NDRG1: variants seen among roughly 807,000 people sequenced by gnomAD.
NDRG1 encodes the protein protein NDRG1.
In NDRG1, 32 loss-of-function variants were observed where a neutral mutation model predicts 56.9. The ratio of observed to expected loss-of-function variants is 0.56; its 90% CI spans 0.42 to 0.76. NDRG1 has a LOEUF of 0.76. Ranked by LOEUF, NDRG1 falls within the 30% of genes least tolerant of loss-of-function variation. NDRG1 has a pLI of 0.00. For missense variants in NDRG1, 507 were observed against 545.7 expected, an observed-to-expected ratio of 0.93 and a Z score of 0.71; for synonymous variants, 211 against 204.1, an observed-to-expected ratio of 1.03 and a Z score of -0.29.
At chr8:133,276,561 G>GTGAA (rs762741471) in intron 3 of NDRG1, among the ~76,000 whole-genome samples, 8 of 152,170 alleles carry the variant, frequency 5.3e-5, no homozygotes, top group Non-Finnish European at 7.3e-5. Flanking sequence ...TCTCGTGATA[G>GTGAA]TGAATGAGTC....
chr8:133,238,231 C>T lies in NDRG1; in HGVS notation c.*647G>A, dbSNP rs1044195442. 4.3e-6 allele frequency: 1 copy of T among 232,582 alleles called. No homozygotes were observed. Among genetic ancestry groups the T allele is most frequent in the Non-Finnish European group, 8.5e-6 (1 of 117,710 alleles). 14.4% of individuals were successfully genotyped at this position (232,582 alleles called of 1,614,324 possible). A position where few individuals can be genotyped will look rare whatever the true frequency, so the allele number is the denominator to read the frequency against. Reference sequence around the variant, plus strand: ...TTAAGAGGATGCTAGAAAAATCAAGCTTGTTTGCTTCTGCATTCAAAGCTT... The same window carrying T: ...TTAAGAGGATGCTAGAAAAATCAAGTTTGTTTGCTTCTGCATTCAAAGCTT... On this transcript the variant is annotated 3_prime_UTR_variant, in exon 16 of 16. Transcript: ENST00000323851.
At position 133,280,258 on chromosome 8, in the gene NDRG1, C is replaced by T. The variant is rs377527660; in HGVS notation, c.73G>A (p.Gly25Ser). 4.3e-6 allele frequency: 7 copies of T among 1,614,012 alleles called. No homozygotes were observed. Among genetic ancestry groups the T allele is most frequent in the South Asian group, 3.3e-5 (3 of 91,066 alleles). Residue 25 changes from glycine to serine, a missense_variant, in exon 3 of 16, where the codon GGC becomes AGC. Transcript: ENST00000323851. Reference protein sequence around the residue: ...PLVEKGETITGLLQEFDVQEQ... With the variant: ...PLVEKGETITSLLQEFDVQEQ... Reference sequence around the variant, plus strand: ...TGGACATCAAACTCTTGCAGGAGGCCGGTGATGGTCTGTGAAAAGACAAAA... The same window carrying T: ...TGGACATCAAACTCTTGCAGGAGGCTGGTGATGGTCTGTGAAAAGACAAAA...
At position 133,237,537 on chromosome 8, in the gene NDRG1, C is replaced by T. The variant is rs572727755; in HGVS notation, c.*1341G>A. 2.4e-4 allele frequency: 57 copies of T among 233,144 alleles called. No homozygotes were observed. The highest frequency in any genetic ancestry group is 1.2e-3 in the African/African-American group (54 of 45,446). 14.4% of individuals were successfully genotyped at this position (233,144 alleles called of 1,614,324 possible). A position where few individuals can be genotyped will look rare whatever the true frequency, so the allele number is the denominator to read the frequency against. On this transcript the variant is annotated 3_prime_UTR_variant, in exon 16 of 16. Coordinates refer to ENST00000323851, the MANE Select transcript of NDRG1 (RefSeq NM_006096.4). ...AGGCAGTAGTACAGGAACCTGGCAG[C>T]CGCACTGGCCGCCCAGAAACGTCAG...
In NDRG1 at chr8:133,256,348, T is replaced by A. The variant is rs868202063; in HGVS notation, c.537+429A>T. 12 of 190,068 alleles carry A rather than the reference T, an allele frequency of 6.3e-5. No homozygotes were observed. In the South Asian group the frequency reaches 1.3e-3, roughly 20 times the overall value. 11.8% of individuals were successfully genotyped at this position (190,068 alleles called of 1,614,324 possible). A position where few individuals can be genotyped will look rare whatever the true frequency, so the allele number is the denominator to read the frequency against. On this transcript the variant is annotated intron_variant, in intron 8 of 15. Coordinates refer to ENST00000323851, the MANE Select transcript of NDRG1 (RefSeq NM_006096.4). ...TGGCACAGTCCGTACTAAATACATATTTATTTTTCTTTAATAATATGTGAA... is the reference window on the plus strand; with the variant it reads ...TGGCACAGTCCGTACTAAATACATAATTATTTTTCTTTAATAATATGTGAA...
intron 1 of NDRG1, among the ~76,000 whole-genome samples, chr8:133,286,883 C>T (rs2930003): frequency 0.36 from 55,106 of 152,050 alleles, 10,498 homozygotes; most frequent in East Asian, 0.48. Context: ...CTGCAGGCCT[C>T]GGGGTAGCCT....
Position 133,239,011 on chromosome 8 carries a change from CG to C in NDRG1, c.1051del (p.Arg351GlufsTer126). 6.3e-7 allele frequency: 1 copy of C among 1,598,006 alleles called. No homozygotes were observed. Among genetic ancestry groups the C allele is most frequent in the Non-Finnish European group, 8.5e-7 (1 of 1,174,024 alleles). ...GCCCTCGCTGGTGTGGGAGCGGCTT[CG>C]GGTGCCCTCGCTGGTGTGGGAGCGG... ...RSRSHTSEGT[R>X]SRSHTSEGTR... On this transcript the variant is annotated frameshift_variant, in exon 16 of 16. Coordinates refer to ENST00000323851, the MANE Select transcript of NDRG1 (RefSeq NM_006096.4). LOFTEE classifies it high-confidence loss of function.
intron 1 of NDRG1, among the ~76,000 whole-genome samples, chr8:133,294,381 G>A (rs1858613109): frequency 6.6e-6 from 1 of 152,218 alleles, no homozygotes; most frequent in Admixed American, 6.5e-5. Context: ...TCTGGAGGGA[G>A]AGAGATGTCG....
chr8:133,251,180 G>A (rs145068030), intron 9 of NDRG1, among the ~76,000 whole-genome samples: 146 of 152,306 alleles, frequency 9.6e-4, no homozygotes, highest in African/African-American at 3.3e-3. Context: ...CAGCCTCCCC[G>A]TCTCTGGGTG....
chr8:133,240,191 GC>G (rs1209279660), intron 15 of NDRG1: 1 of 152,178 alleles, frequency 6.6e-6, no homozygotes, highest in Admixed American at 6.5e-5. Context: ...ATTGTTTTCA[GC>G]CACCCAGTTT....
intron 3 of NDRG1, among the ~76,000 whole-genome samples, chr8:133,266,139 CAG>C (rs1856906856): frequency 6.6e-6 from 1 of 152,226 alleles, no homozygotes; most frequent in African/African-American, 2.4e-5. Context: ...GTCAGTATCC[CAG>C]AGTCACACGG....
chr8:133,284,375 G>A (rs757511908), intron 1 of NDRG1, 46 bp from the exon 2 acceptor site: 4 of 1,587,532 alleles, frequency 2.5e-6, no homozygotes, highest in African/African-American at 1.3e-5. Flanking sequence ...CTGCTGAGAG[G>A]TTTCCTAAAG....
intron 8 of NDRG1, among the ~76,000 whole-genome samples, chr8:133,256,573 T>C (rs1856381063): frequency 6.6e-6 from 1 of 152,190 alleles, no homozygotes; most frequent in Admixed American, 6.5e-5. Flanking sequence ...AGCTTGGTGG[T>C]ATTTAAGTCT....
At chr8:133,246,477 T>G in intron 13 of NDRG1, 139 bp downstream of exon 13, 1 of 972,146 alleles carries the variant, frequency 1.0e-6, no homozygotes, top group East Asian at 2.4e-5. Context: ...TATATGTTCA[T>G]AAACAGATAG....
At chr8:133,284,645 T>G in intron 1 of NDRG1, 4 of 457,060 alleles carry the variant, frequency 8.8e-6, no homozygotes, top group Middle Eastern at 5.3e-4. Context: ...CCACCCACCA[T>G]ACCCAGGATG....
At chr8:133,248,642 GC>G (rs1855831486) in intron 11 of NDRG1, 72 bp downstream of exon 11, 4 of 1,536,562 alleles carry the variant, frequency 2.6e-6, no homozygotes, top group Non-Finnish European at 3.6e-6. Context: ...CAGAAAGAAG[GC>G]CCTGCCAGCA....
chr8:133,275,668 C>T (rs2130775212), intron 3 of NDRG1, among the ~76,000 whole-genome samples: 1 of 152,302 alleles, frequency 6.6e-6, no homozygotes, highest in South Asian at 2.1e-4. Flanking sequence ...GGAATGCTCA[C>T]ATTTGCTTGT....
At chr8:133,275,137 C>T (rs1331851399) in intron 3 of NDRG1, among the ~76,000 whole-genome samples, 4 of 152,166 alleles carry the variant, frequency 2.6e-5, no homozygotes, top group African/African-American at 7.2e-5. Flanking sequence ...GAGCTTCCGT[C>T]GTCACACTGC....
At chr8:133,239,278 C>T (rs1361391201) in intron 15 of NDRG1, 159 bp from the exon 16 acceptor site, 1 of 1,167,624 alleles carries the variant, frequency 8.6e-7, no homozygotes, top group Non-Finnish European at 1.2e-6. Flanking sequence ...TCTCCATGTC[C>T]ACTCGGAGAG....
chr8:133,284,004 C>T (rs1247143324), intron 2 of NDRG1, among the ~76,000 whole-genome samples: 2 of 152,232 alleles, frequency 1.3e-5, no homozygotes, highest in African/African-American at 4.8e-5. Flanking sequence ...GGACTTGAAC[C>T]AGAGCCTCTC....
Sources: allele counts gnomAD v4.1 joint callset (sites outside exome capture counted in the v4.1 genomes callset), GRCh38; gene constraint gnomAD v4.1.1; transcripts MANE v1.5; gene names NCBI Gene and HGNC (gene_info 2026-07-23, HGNC 2026-07-21).